Variants in CEP112 observed in about 807,000 individuals in gnomAD.
CEP112 encodes centrosomal protein of 112 kDa.
CEP112 carries 127 observed loss-of-function variants against 153.0 expected under a neutral mutation model. The ratio of observed to expected loss-of-function variants is 0.83; its 90% CI spans 0.72 to 0.96. The LOEUF (loss-of-function observed/expected upper bound fraction) is 0.96. Ranked by LOEUF, CEP112 falls within the 40% of genes least tolerant of loss-of-function variation. The pLI, the probability that CEP112 is intolerant of heterozygous loss-of-function variation, is 0.00. For missense variants in CEP112, 1,089 were observed against 1,101.2 expected, an observed-to-expected ratio of 0.99 and a Z score of 0.16; for synonymous variants, 358 against 374.4, an observed-to-expected ratio of 0.96 and a Z score of 0.51.
intron 20 of CEP112, among the ~76,000 whole-genome samples, chr17:65,885,111 CA>C (rs1338239900): frequency 6.6e-6 from 1 of 152,032 alleles, no homozygotes; most frequent in African/African-American, 2.4e-5. Context: ...CCTAACCTCC[CA>C]AGTAAATGGA....
At chr17:65,772,376 G>C (rs2053409233) in intron 21 of CEP112, among the ~76,000 whole-genome samples, 1 of 152,000 alleles carries the variant, frequency 6.6e-6, no homozygotes, top group African/African-American at 2.4e-5. Flanking sequence ...TGAAAAAGAA[G>C]ACACAAATTA....
At chr17:65,772,609 C>G (rs2053431136) in intron 21 of CEP112, among the ~76,000 whole-genome samples, 1 of 34,822 alleles carries the variant, frequency 2.9e-5, no homozygotes, top group African/African-American at 2.5e-4. Flanking sequence ...CACACACACA[C>G]ACACACACAG....
chr17:65,731,461 T>G (rs374674245), intron 23 of CEP112, among the ~76,000 whole-genome samples: 6 of 152,304 alleles, frequency 3.9e-5, no homozygotes, highest in African/African-American at 1.4e-4. Flanking sequence ...ATCTTTTTAT[T>G]GGTGGAGGGT....
At chr17:66,139,582 C>T (rs2070595342) in intron 4 of CEP112, among the ~76,000 whole-genome samples, 1 of 151,648 alleles carries the variant, frequency 6.6e-6, no homozygotes, top group African/African-American at 2.4e-5. Context: ...TGCTCCAGTC[C>T]GGGTGACAGA....
intron 17 of CEP112, among the ~76,000 whole-genome samples, chr17:65,994,843 G>C (rs1397427483): frequency 6.6e-6 from 1 of 152,152 alleles, no homozygotes; most frequent in Non-Finnish European, 1.5e-5. Context: ...CAGTTCATTT[G>C]TATCCCTGCC....
intron 1 of CEP112, among the ~76,000 whole-genome samples, chr17:66,186,540 C>T (rs1385248669): frequency 6.6e-6 from 1 of 152,120 alleles, no homozygotes; most frequent in East Asian, 1.9e-4. Flanking sequence ...CCGCCTGCCT[C>T]GGCCTCCCAA....
Position 65,845,935 on chromosome 17 carries a change from A to C in CEP112, c.2394+5869T>G, listed in dbSNP as rs144337861. ...TTTGGGTCTAAATTGCTGCTGACAG[A>C]AACTCAGGTAGGATGTGGACTTAGG... On this transcript the variant is annotated intron_variant, in intron 21 of 26. Transcript: ENST00000535342. 2.0e-4 allele frequency among the ~76,000 whole-genome samples: 31 copies of C among 152,334 alleles called. 1 individual carries two copies. The East Asian group carries it at 4.6e-3, about 23-fold the overall frequency.
In CEP112 at chr17:66,053,706, A is replaced by G. The variant is rs146050534; in HGVS notation, c.1218+30T>C. ...CATGGAAATTGAGAAGACAGGTTCTAAGATGTCAAGAACAGGTTTAAAGAC... is the reference window on the plus strand; with the variant it reads ...CATGGAAATTGAGAAGACAGGTTCTGAGATGTCAAGAACAGGTTTAAAGAC... On this transcript the variant is annotated intron_variant, in intron 12 of 26. Coordinates refer to ENST00000535342, the MANE Select transcript of CEP112 (RefSeq NM_001199165.4). 7,177 of 1,593,912 alleles carry G rather than the reference A, an allele frequency of 4.5e-3. 15 individuals carry two copies. Among genetic ancestry groups the G allele is most frequent in the Non-Finnish European group, 5.7e-3 (6,674 of 1,167,090 alleles).
chr17:65,933,733 C>T (rs951053686), intron 18 of CEP112, among the ~76,000 whole-genome samples: 3 of 151,998 alleles, frequency 2.0e-5, no homozygotes, highest in South Asian at 4.1e-4. Flanking sequence ...CTTTCATATG[C>T]TAATAACATA....
At chr17:65,757,978 A>G (rs1309498968) in intron 21 of CEP112, among the ~76,000 whole-genome samples, 1 of 152,132 alleles carries the variant, frequency 6.6e-6, no homozygotes, top group Non-Finnish European at 1.5e-5. Flanking sequence ...ACAAATATAT[A>G]ACAGAAGAGG....
chr17:66,137,058 C>T (rs1373076428), intron 4 of CEP112, among the ~76,000 whole-genome samples: 1 of 152,044 alleles, frequency 6.6e-6, no homozygotes, highest in Non-Finnish European at 1.5e-5. Context: ...AATGGATTAG[C>T]TGGTAAGAAT....
At chr17:65,743,683 T>C (rs1598445420) in intron 22 of CEP112, among the ~76,000 whole-genome samples, 1 of 152,370 alleles carries the variant, frequency 6.6e-6, no homozygotes, top group East Asian at 1.9e-4. Context: ...AATGTTTGTG[T>C]ATTGTGTTTA....
chr17:65,739,977 G>A (rs992177561), intron 23 of CEP112, among the ~76,000 whole-genome samples: 1 of 151,970 alleles, frequency 6.6e-6, no homozygotes, highest in Non-Finnish European at 1.5e-5. Context: ...TGCTATTATA[G>A]TTTAAATATA....
intron 4 of CEP112, among the ~76,000 whole-genome samples, chr17:66,163,142 G>A (rs908057454): frequency 1.3e-5 from 2 of 152,110 alleles, no homozygotes; most frequent in African/African-American, 2.4e-5. Flanking sequence ...GCGGTCTTCT[G>A]GAGAACTGTA....
chr17:65,831,635 T>A, intron 21 of CEP112, among the ~76,000 whole-genome samples: 3 of 146,712 alleles, frequency 2.0e-5, no homozygotes, highest in African/African-American at 5.0e-5. Flanking sequence ...TGGAAAACAA[T>A]CCAGGAACAA....
intron 21 of CEP112, among the ~76,000 whole-genome samples, chr17:65,843,667 T>A (rs868774512): frequency 6.6e-6 from 1 of 152,216 alleles, no homozygotes; most frequent in Non-Finnish European, 1.5e-5. Flanking sequence ...AGCCTTTTCA[T>A]GATTTCAGGC....
At chr17:66,179,136 G>C (rs2072612667) in intron 2 of CEP112, among the ~76,000 whole-genome samples, 1 of 152,110 alleles carries the variant, frequency 6.6e-6, no homozygotes, top group Admixed American at 6.6e-5. Flanking sequence ...AATTCCTCCA[G>C]TTTTATTATT....
intron 21 of CEP112, among the ~76,000 whole-genome samples, chr17:65,764,650 T>C (rs1189525208): frequency 6.6e-6 from 1 of 152,144 alleles, no homozygotes; most frequent in East Asian, 1.9e-4. Context: ...TTTCAGCCTA[T>C]GTATATCCTT....
At chr17:66,174,808 T>C in intron 4 of CEP112, among the ~76,000 whole-genome samples, 1 of 152,174 alleles carries the variant, frequency 6.6e-6, no homozygotes, top group Non-Finnish European at 1.5e-5. Context: ...TAAAGGAAAA[T>C]ACATAATTGT....
Sources: gnomAD v4.1 joint callset for allele counts (sites outside exome capture counted in the v4.1 genomes callset) on GRCh38, gnomAD v4.1.1 for gene constraint, MANE v1.5 for transcripts, NCBI Gene and HGNC (gene_info 2026-07-23, HGNC 2026-07-21) for gene names.